TMEM117: variants seen among roughly 807,000 people sequenced by gnomAD.
TMEM117 encodes transmembrane protein 117.
Under a neutral mutation model 52.4 loss-of-function variants are expected in TMEM117, and 27 were observed. The ratio of observed to expected loss-of-function variants is 0.51; its 90% CI spans 0.38 to 0.71. The LOEUF is 0.71. TMEM117 is among the 30% of genes least tolerant of loss of function. The pLI is 0.00. For missense variants in TMEM117, 556 were observed against 630.5 expected (o/e 0.88, Z 1.26); for synonymous variants, 215 against 206.3 (o/e 1.04, Z -0.36).
chr12:44,390,167 G>A (rs1165927926), downstream of TMEM117, among the ~76,000 whole-genome samples: 3 of 151,210 alleles, frequency 2.0e-5, no homozygotes, highest in African/African-American at 7.3e-5. Flanking sequence ...TAATAGCCAT[G>A]CATGGTGCTA....
At chr12:44,349,675 C>G (rs1951535733) in intron 6 of TMEM117, among the ~76,000 whole-genome samples, 1 of 152,024 alleles carries the variant, frequency 6.6e-6, no homozygotes, top group African/African-American at 2.4e-5. Context: ...CCTTCTTTCC[C>G]TGAGGGCTTA....
At chr12:44,373,702 G>A (rs747577916) in intron 6 of TMEM117, among the ~76,000 whole-genome samples, 16 of 148,940 alleles carry the variant, frequency 1.1e-4, no homozygotes, top group South Asian at 8.5e-4. Flanking sequence ...TCAGAATACC[G>A]TCCCAAATCT....
intron 5 of TMEM117, among the ~76,000 whole-genome samples, chr12:44,294,605 G>C (rs983532647): frequency 6.6e-6 from 1 of 151,978 alleles, no homozygotes; most frequent in Non-Finnish European, 1.5e-5. Flanking sequence ...CTTTCCACTT[G>C]ATGGCTTCTC....
In TMEM117 at chr12:44,114,948, C is replaced by G. The variant is rs557568659; in HGVS notation, c.411-28577C>G. On this transcript the variant is annotated intron_variant, in intron 3 of 7. Transcript: ENST00000266534. ...TAAAATATCTCTTTAATCTTAAATC[C>G]AATTTACTGTAGAATATCTTTAAAA... Among the ~76,000 whole-genome samples the G allele has an allele frequency of 1.7e-3, 257 of 152,102 alleles. 3 individuals carry two copies. In the South Asian group the frequency reaches 0.025, roughly 15 times the overall value.
intron 6 of TMEM117, among the ~76,000 whole-genome samples, chr12:44,363,831 A>G (rs1378538768): frequency 6.6e-6 from 1 of 152,146 alleles, no homozygotes; most frequent in Non-Finnish European, 1.5e-5. Flanking sequence ...TGAATTTTTC[A>G]TTTGAAGATA....
intron 5 of TMEM117, among the ~76,000 whole-genome samples, chr12:44,216,535 C>T (rs1949720976): frequency 2.0e-5 from 3 of 152,146 alleles, no homozygotes; most frequent in Non-Finnish European, 4.4e-5. Context: ...GGGGCGCTGC[C>T]ATAACGGAAA....
At chr12:43,935,613 T>G (rs1944939351) in intron 2 of TMEM117, among the ~76,000 whole-genome samples, 1 of 152,198 alleles carries the variant, frequency 6.6e-6, no homozygotes, top group Admixed American at 6.5e-5. Flanking sequence ...TGAGCTAATC[T>G]CTCACTGACA....
chr12:44,327,470 G>T (rs373370043), intron 6 of TMEM117, among the ~76,000 whole-genome samples: 1 of 152,284 alleles, frequency 6.6e-6, no homozygotes, highest in East Asian at 1.9e-4. Flanking sequence ...GTGTTATACA[G>T]TATGTTAACT....
intron 1 of TMEM117, among the ~76,000 whole-genome samples, chr12:43,839,329 G>A (rs920605686): frequency 6.6e-6 from 1 of 152,006 alleles, no homozygotes; most frequent in African/African-American, 2.4e-5. Context: ...GCCCACATAC[G>A]AGGGCTTCAA....
intron 4 of TMEM117, among the ~76,000 whole-genome samples, chr12:44,158,163 G>C (rs1187779412): frequency 6.6e-6 from 1 of 152,168 alleles, no homozygotes; most frequent in Non-Finnish European, 1.5e-5. Context: ...GGAAGTAGCT[G>C]AGTAAAGATG....
intron 5 of TMEM117, among the ~76,000 whole-genome samples, chr12:44,284,499 C>A (rs841069): frequency 0.99 from 150,447 of 152,366 alleles, 74,291 homozygotes; most frequent in East Asian, 1. Flanking sequence ...TAGCATGTAC[C>A]AGGTAATTCA....
At chr12:44,283,457 G>A (rs1232649491) in intron 5 of TMEM117, among the ~76,000 whole-genome samples, 1 of 152,186 alleles carries the variant, frequency 6.6e-6, no homozygotes, top group Non-Finnish European at 1.5e-5. Flanking sequence ...TTGAGACTTG[G>A]AATCAAAGGA....
chr12:44,210,225 G>T (rs1354527014), intron 4 of TMEM117, among the ~76,000 whole-genome samples: 1 of 152,004 alleles, frequency 6.6e-6, no homozygotes. Flanking sequence ...TCTCTTGAAG[G>T]GAAGGCAGAT....
intron 3 of TMEM117, among the ~76,000 whole-genome samples, chr12:44,097,756 C>A (rs1213003785): frequency 7.5e-6 from 1 of 134,110 alleles, no homozygotes; most frequent in Non-Finnish European, 1.5e-5. Flanking sequence ...AGGAGATATA[C>A]CTAAATGACG....
the TMEM117 span, among the ~76,000 whole-genome samples, chr12:44,397,772 T>C: frequency 6.6e-6 from 1 of 152,214 alleles, no homozygotes; most frequent in East Asian, 1.9e-4. Context: ...ATTAGTTGTT[T>C]ATGGGCTGGA....
chr12:44,378,997 T>C (rs1951981186), intron 7 of TMEM117, among the ~76,000 whole-genome samples: 1 of 151,790 alleles, frequency 6.6e-6, no homozygotes, highest in African/African-American at 2.4e-5. Flanking sequence ...ATTAATAAAA[T>C]AAGGGGCTGA....
At chr12:43,854,654 T>A (rs1187401567) in intron 2 of TMEM117, among the ~76,000 whole-genome samples, 1 of 151,896 alleles carries the variant, frequency 6.6e-6, no homozygotes, top group Non-Finnish European at 1.5e-5. Context: ...ATTTATTATT[T>A]TTTTTCTGAA....
At chr12:44,371,167 G>A (rs185676376) in intron 6 of TMEM117, among the ~76,000 whole-genome samples, 2 of 152,100 alleles carry the variant, frequency 1.3e-5, no homozygotes, top group Non-Finnish European at 2.9e-5. Flanking sequence ...TCTGAAATTC[G>A]GTTGCTAGGA....
At chr12:43,879,975 C>T (rs781007749) in intron 2 of TMEM117, among the ~76,000 whole-genome samples, 4 of 152,110 alleles carry the variant, frequency 2.6e-5, no homozygotes, top group South Asian at 2.1e-4. Context: ...TCTGTTTCTA[C>T]CAAGACAGAA....
Sources: allele counts gnomAD v4.1 joint callset (sites outside exome capture counted in the v4.1 genomes callset), GRCh38; gene constraint gnomAD v4.1.1; transcripts MANE v1.5; gene names NCBI Gene and HGNC (gene_info 2026-07-23, HGNC 2026-07-21).